The following NCKAP5 variants were observed in gnomAD, a reference collection of about 807,000 sequenced individuals.
The protein encoded by NCKAP5 is NCK associated protein 5.
NCKAP5 carries 92 observed loss-of-function variants against 167.0 expected under a neutral mutation model. That is an observed-to-expected ratio of 0.55 (90% CI 0.47 to 0.66). NCKAP5 has a LOEUF of 0.66. Among genes scored for constraint, NCKAP5 ranks in the 30% least tolerant of loss-of-function variants. The pLI, the probability that NCKAP5 is intolerant of heterozygous loss-of-function variation, is 0.00. For synonymous variants in NCKAP5, 891 were observed against 877.4 expected (o/e 1.02, Z -0.27); for missense variants, 2,378 against 2,315.0 (o/e 1.03, Z -0.56).
intron 2 of NCKAP5, among the ~76,000 whole-genome samples, chr2:133,536,198 T>C (rs1354819583): frequency 6.6e-6 from 1 of 152,166 alleles, no homozygotes; most frequent in African/African-American, 2.4e-5. Flanking sequence ...GTCTTAGTCA[T>C]AAATTCTTTG....
chr2:133,665,035 T>C, the NCKAP5 span, among the ~76,000 whole-genome samples: 9 of 152,380 alleles, frequency 5.9e-5, no homozygotes, highest in East Asian at 1.7e-3. Flanking sequence ...AGTCTTGTTC[T>C]AGATTAGGCT....
intron 3 of NCKAP5, among the ~76,000 whole-genome samples, chr2:133,326,585 C>T (rs1269622824): frequency 6.6e-6 from 1 of 151,842 alleles, no homozygotes; most frequent in East Asian, 1.9e-4. Flanking sequence ...CCCTCGGAGA[C>T]ATTTTCCAGC....
intron 3 of NCKAP5, among the ~76,000 whole-genome samples, chr2:133,328,734 G>A (rs1374161597): frequency 7.9e-5 from 12 of 151,966 alleles, no homozygotes; most frequent in Non-Finnish European, 1.3e-4. Context: ...TATATATAAT[G>A]AAAAAAATAT....
chr2:133,265,756 C>A (rs953941507), intron 4 of NCKAP5, among the ~76,000 whole-genome samples: 1 of 152,246 alleles, frequency 6.6e-6, no homozygotes, highest in African/African-American at 2.4e-5. Flanking sequence ...GGGACAGGCG[C>A]GCCCTGCTGG....
intron 19 of NCKAP5, among the ~76,000 whole-genome samples, chr2:132,678,317 A>G (rs1009507674): frequency 6.6e-6 from 1 of 152,182 alleles, no homozygotes; most frequent in Non-Finnish European, 1.5e-5. Context: ...CTCTTTCATT[A>G]TTTCAAATAC....
At chr2:133,239,829 G>A (rs1426742417) in intron 4 of NCKAP5, among the ~76,000 whole-genome samples, 1 of 152,160 alleles carries the variant, frequency 6.6e-6, no homozygotes, top group African/African-American at 2.4e-5. Flanking sequence ...CCATTTTTAA[G>A]AACAAATGTT....
chr2:132,927,942 A>G (rs2149039869), intron 8 of NCKAP5, among the ~76,000 whole-genome samples: 1 of 152,288 alleles, frequency 6.6e-6, no homozygotes, highest in African/African-American at 2.4e-5. Flanking sequence ...ACTTTCTTGC[A>G]TGTTGACTCA....
At chr2:133,358,942 G>A (rs1420825463) in intron 3 of NCKAP5, among the ~76,000 whole-genome samples, 1 of 152,196 alleles carries the variant, frequency 6.6e-6, no homozygotes, top group East Asian at 1.9e-4. Flanking sequence ...AACTAAACTT[G>A]ACACTATTTG....
chr2:133,134,693 A>G (rs1174062757), intron 5 of NCKAP5, among the ~76,000 whole-genome samples: 1 of 152,220 alleles, frequency 6.6e-6, no homozygotes, highest in Admixed American at 6.5e-5. Context: ...CATAGCCTAC[A>G]CATAGCAACA....
chr2:133,236,447 T>C (rs2087426493), intron 4 of NCKAP5, among the ~76,000 whole-genome samples: 2 of 152,298 alleles, frequency 1.3e-5, no homozygotes, highest in South Asian at 2.1e-4. Context: ...ACCTGTGAAG[T>C]GACCAGCATA....
At chr2:133,211,152 C>T (rs2150161833) in intron 5 of NCKAP5, among the ~76,000 whole-genome samples, 1 of 152,200 alleles carries the variant, frequency 6.6e-6, no homozygotes, top group Admixed American at 6.5e-5. Flanking sequence ...CCAGACATCC[C>T]CATGGTAAAA....
intron 3 of NCKAP5, among the ~76,000 whole-genome samples, chr2:133,434,127 A>G (rs1690326142): frequency 6.6e-6 from 1 of 152,252 alleles, no homozygotes; most frequent in South Asian, 2.1e-4. Flanking sequence ...AAGAATGCTT[A>G]TAAAAATATT....
At chr2:133,016,024 C>G (rs2078322199) in intron 6 of NCKAP5, among the ~76,000 whole-genome samples, 1 of 146,926 alleles carries the variant, frequency 6.8e-6, no homozygotes, top group Admixed American at 7.0e-5. Flanking sequence ...TGAGTACTGG[C>G]ATGGCTCTAG....
intron 5 of NCKAP5, among the ~76,000 whole-genome samples, chr2:133,180,389 C>T (rs1475996445): frequency 6.6e-6 from 1 of 151,802 alleles, no homozygotes; most frequent in East Asian, 1.9e-4. Context: ...GGCTATAGTA[C>T]AGTGGCATGA....
chr2:132,838,964 A>G (rs1426944732), intron 11 of NCKAP5, among the ~76,000 whole-genome samples: 1 of 152,344 alleles, frequency 6.6e-6, no homozygotes, highest in East Asian at 1.9e-4. Context: ...AATACTAGTG[A>G]CATGGAGAAC....
At chr2:133,343,934 T>G (rs1361086571) in intron 3 of NCKAP5, among the ~76,000 whole-genome samples, 1 of 152,190 alleles carries the variant, frequency 6.6e-6, no homozygotes, top group African/African-American at 2.4e-5. Context: ...GAAAGAGATG[T>G]GTACAGTTAA....
intron 6 of NCKAP5, among the ~76,000 whole-genome samples, chr2:133,060,254 T>A (rs1039176078): frequency 2.0e-5 from 3 of 152,130 alleles, no homozygotes; most frequent in African/African-American, 7.2e-5. Context: ...ACTCTAAATA[T>A]CACATACAAA....
chr2:133,069,911 T>C (rs1271696416), intron 6 of NCKAP5, among the ~76,000 whole-genome samples: 2 of 152,102 alleles, frequency 1.3e-5, no homozygotes, highest in Non-Finnish European at 2.9e-5. Flanking sequence ...CAGATTCTAG[T>C]ATTTGCTATC....
At chr2:132,895,270 G>T (rs765715281) in intron 8 of NCKAP5, among the ~76,000 whole-genome samples, 16 of 150,530 alleles carry the variant, frequency 1.1e-4, no homozygotes, top group Non-Finnish European at 1.9e-4. Context: ...GGCGGAGTTT[G>T]CGGTGAGCCG....
Sources: allele counts gnomAD v4.1 joint callset (sites outside exome capture counted in the v4.1 genomes callset), GRCh38; gene constraint gnomAD v4.1.1; transcripts MANE v1.5; gene names NCBI Gene and HGNC (gene_info 2026-07-23, HGNC 2026-07-21).